CCDC186: variants seen among roughly 807,000 people sequenced by gnomAD.
The protein encoded by CCDC186 is coiled-coil domain containing 186, also known as coiled-coil domain-containing protein 186.
CCDC186 carries 49 observed loss-of-function variants against 113.7 expected under a neutral mutation model. The ratio of observed to expected loss-of-function variants is 0.43; its 90% confidence interval spans 0.34 to 0.55. The LOEUF is 0.55. CCDC186 is among the 20% of genes least tolerant of loss of function. The pLI is 0.02. For synonymous variants in CCDC186, 355 were observed against 345.8 expected (o/e 1.03, Z -0.30); for missense variants, 890 against 1,011.1 (o/e 0.88, Z 1.62).
At chr10:114,135,257 T>G (rs184260266) in intron 9 of CCDC186, among the ~76,000 whole-genome samples, 1 of 152,266 alleles carries the variant, frequency 6.6e-6, no homozygotes, top group East Asian at 1.9e-4. Flanking sequence ...GTCATTTCAC[T>G]TTTTACTGAA....
chr10:114,123,791 T>G lies in CCDC186; in HGVS notation c.*1352A>C, dbSNP rs1225683112. 1 of 152,194 alleles carries G rather than the reference T, an allele frequency of 6.6e-6. No individual in the cohort carries two copies. The highest frequency in any genetic ancestry group is 1.9e-4 in the East Asian group (1 of 5,194). 9.4% of individuals were successfully genotyped at this position (152,194 alleles called of 1,614,324 possible). ...AAAAATCCAACAAGATAGAAAAATTTGGCTCTAAAATTAAGTTCCTTTGGT... is the reference window on the plus strand; with the variant it reads ...AAAAATCCAACAAGATAGAAAAATTGGGCTCTAAAATTAAGTTCCTTTGGT... On this transcript the variant is annotated 3_prime_UTR_variant, in exon 16 of 16. Coordinates refer to ENST00000369287, the MANE Select transcript of CCDC186 (RefSeq NM_018017.4).
intron 4 of CCDC186, among the ~76,000 whole-genome samples, chr10:114,149,604 GAAGGGAAGGGAAGGGAAGGA>G (rs2031760122): frequency 0.01 from 388 of 37,896 alleles, 19 homozygotes; most frequent in African/African-American, 0.045. Context: ...GAAGGGAAGG[GAAGGGAAGGGAAGGGAAGGA>G]AAGGGAGGGG....
chr10:114,148,612 C>A (rs2119788872), intron 4 of CCDC186, among the ~76,000 whole-genome samples: 1 of 152,332 alleles, frequency 6.6e-6, no homozygotes, highest in Middle Eastern at 3.4e-3. Flanking sequence ...TAACAAACAT[C>A]TTTTAATATA....
intron 2 of CCDC186, among the ~76,000 whole-genome samples, chr10:114,159,599 G>A (rs1409011210): frequency 4.5e-5 from 6 of 132,262 alleles, no homozygotes; most frequent in South Asian, 4.7e-4. Context: ...GCCAAGATCC[G>A]CCACTGCACT....
At chr10:114,155,101 G>T in intron 3 of CCDC186, among the ~76,000 whole-genome samples, 1 of 152,218 alleles carries the variant, frequency 6.6e-6, no homozygotes, top group Non-Finnish European at 1.5e-5. Context: ...GGAGGCAAAT[G>T]AGAAGTGACT....
Position 114,159,640 on chromosome 10 carries a change from CAAAAAAA to C in CCDC186, c.633-1967_633-1961del, listed in dbSNP as rs34339225. ...TCAGTGACAGAGCGAGACTCCGTCT[CAAAAAAA>C]AAAAAAAAAAAAAAAAAGAATTTTA... On this transcript the variant is annotated intron_variant, in intron 2 of 15. Coordinates refer to ENST00000369287, the MANE Select transcript of CCDC186 (RefSeq NM_018017.4). 3.3e-3 allele frequency among the ~76,000 whole-genome samples: 183 copies of C among 55,490 alleles called. 3 individuals carry two copies. The East Asian group carries it at 0.11, about 34-fold the overall frequency. The allele number at this position is 55,490 out of a possible 152,430, so 36.4% of individuals were successfully genotyped here.
At chr10:114,161,930 T>C (rs534534904) in intron 2 of CCDC186, 10 of 152,106 alleles carry the variant, frequency 6.6e-5, no homozygotes, top group Non-Finnish European at 1.3e-4. Context: ...AAGCCAGTCA[T>C]GAAATGAAAA....
At chr10:114,136,743 C>A (rs2031273011) in intron 7 of CCDC186, among the ~76,000 whole-genome samples, 1 of 152,150 alleles carries the variant, frequency 6.6e-6, no homozygotes, top group Non-Finnish European at 1.5e-5. Flanking sequence ...TTGGAAATAA[C>A]CTGCATTTCA....
chr10:114,170,178 A>G (rs1354073508), intron 1 of CCDC186, among the ~76,000 whole-genome samples: 1 of 152,248 alleles, frequency 6.6e-6, no homozygotes, highest in East Asian at 1.9e-4. Context: ...AGTTTCATAC[A>G]AGGTGAATTT....
At chr10:114,136,374 T>G in intron 7 of CCDC186, 128 bp from the exon 8 acceptor site, 4 of 617,226 alleles carry the variant, frequency 6.5e-6, no homozygotes, top group Non-Finnish European at 1.1e-5. Flanking sequence ...AGAGACAAGT[T>G]CTGTTTAGAA....
intron 4 of CCDC186, among the ~76,000 whole-genome samples, chr10:114,150,318 T>TA (rs1022438565): frequency 1.3e-5 from 2 of 152,200 alleles, no homozygotes; most frequent in African/African-American, 4.8e-5. Context: ...TGCTTAAAAT[T>TA]ACCTCTTCTG....
At chr10:114,131,091 C>G (rs2119694438) in intron 12 of CCDC186, 56 bp downstream of exon 12, 1 of 1,314,988 alleles carries the variant, frequency 7.6e-7, no homozygotes, top group East Asian at 2.8e-5. Flanking sequence ...AAATAAAATC[C>G]TAATGATTAA....
chr10:114,129,287 C>T (rs2031010715), intron 13 of CCDC186, among the ~76,000 whole-genome samples: 1 of 151,140 alleles, frequency 6.6e-6, no homozygotes, highest in African/African-American at 2.4e-5. Context: ...TGCACTCCAG[C>T]CTGGGTGACT....
intron 1 of CCDC186, among the ~76,000 whole-genome samples, chr10:114,164,862 G>A (rs1376084310): frequency 1.3e-5 from 2 of 152,228 alleles, no homozygotes; most frequent in African/African-American, 4.8e-5. Flanking sequence ...AGATTCCATA[G>A]AAGGCTAAGC....
In CCDC186 at chr10:114,144,546, T is replaced by C. The variant is rs768139576; in HGVS notation, c.1172A>G (p.Lys391Arg). 3.1e-6 allele frequency: 5 copies of C among 1,613,344 alleles called. No individual in the cohort carries two copies. The highest frequency in any genetic ancestry group is 2.2e-5 in the East Asian group (1 of 44,808). The change falls in exon 6 of 16, where the codon AAA becomes AGA. Residue 391 changes from lysine to arginine, a missense_variant. Transcript: ENST00000369287. ...LKEDINSHVI[K>R]VKWAQNKLKA... ...TAATTTGTTTTGTGCCCACTTTACT[T>C]TGATGACGTGAGAGTTAATGTCTTC... is the stretch of plus-strand genomic sequence containing the variant.
chr10:114,166,889 A>C (rs1442567528), intron 1 of CCDC186, among the ~76,000 whole-genome samples: 1 of 152,176 alleles, frequency 6.6e-6, no homozygotes, highest in East Asian at 1.9e-4. Flanking sequence ...TCCTCCTGTA[A>C]ATTAAGGAAG....
At chr10:114,160,921 A>C (rs1389034837) in intron 2 of CCDC186, among the ~76,000 whole-genome samples, 1 of 152,226 alleles carries the variant, frequency 6.6e-6, no homozygotes, top group Non-Finnish European at 1.5e-5. Flanking sequence ...GTAATGTCCT[A>C]ATGTCCACAA....
intron 1 of CCDC186, chr10:114,165,926 G>T: frequency 3.0e-6 from 3 of 983,730 alleles, no homozygotes; most frequent in Non-Finnish European, 3.6e-6. Context: ...GCTGGGAACA[G>T]CTTCAACTTT....
rs561560771 is a variant in CCDC186 at position 114,170,852 on chromosome 10, G to C, written c.-62+3163C>G. Among the ~76,000 whole-genome samples, 5 of 151,942 alleles carry C rather than the reference G, an allele frequency of 3.3e-5. No individual in the cohort carries two copies. In the East Asian group the frequency reaches 9.7e-4, roughly 29 times the overall value. On this transcript the variant is annotated intron_variant, in intron 1 of 15. Coordinates refer to ENST00000369287, the MANE Select transcript of CCDC186 (RefSeq NM_018017.4). ...AAAAAAAAAGACTTGAGCAATAGATGCGGCAAGACCCCCCCACCCTCCACC... is the reference window on the plus strand; with the variant it reads ...AAAAAAAAAGACTTGAGCAATAGATCCGGCAAGACCCCCCCACCCTCCACC...
Sources: allele counts gnomAD v4.1 joint callset (sites outside exome capture counted in the v4.1 genomes callset), GRCh38; gene constraint gnomAD v4.1.1; transcripts MANE v1.5; gene names NCBI Gene and HGNC (gene_info 2026-07-23, HGNC 2026-07-21).